The following ADAMTS12 variants were observed in gnomAD, a reference collection of about 807,000 sequenced individuals.
ADAMTS12 encodes the protein ADAM metallopeptidase with thrombospondin type 1 motif 12, also known as A disintegrin and metalloproteinase with thrombospondin motifs 12.
A neutral mutation model predicts 167.8 loss-of-function variants in ADAMTS12; 118 were observed. That is an observed-to-expected ratio of 0.70 (90% CI 0.61 to 0.82). ADAMTS12 has a LOEUF of 0.82. Among genes scored for constraint, ADAMTS12 ranks in the 40% least tolerant of loss-of-function variants. The pLI, the probability that ADAMTS12 is intolerant of heterozygous loss-of-function variation, is 0.00. For synonymous variants in ADAMTS12, 704 were observed against 716.9 expected, an observed-to-expected ratio of 0.98 and a Z score of 0.29; for missense variants, 1,916 against 1,998.8, an observed-to-expected ratio of 0.96 and a Z score of 0.79.
chr5:33,877,339 C>T (rs1432605670), intron 2 of ADAMTS12, among the ~76,000 whole-genome samples: 1 of 152,170 alleles, frequency 6.6e-6, no homozygotes, highest in East Asian at 1.9e-4. Context: ...AACCCCAATC[C>T]TGTCTTCTGC....
At position 33,630,938 on chromosome 5, in the gene ADAMTS12, C is replaced by T. The variant is rs777744426; in HGVS notation, c.1889-25G>A. On this transcript the variant is annotated intron_variant, in intron 12 of 23. Coordinates refer to ENST00000504830, the MANE Select transcript of ADAMTS12 (RefSeq NM_030955.4). ...GCTGAAGGGAAAAAAGAAGGCAAAG[C>T]CTTGCAAATTAGCTTTTAGCTCAGC... The T allele has an allele frequency of 3.7e-5, 60 of 1,605,964 alleles. 1 individual carries two copies. In the South Asian group the frequency reaches 6.5e-4, roughly 17 times the overall value.
intron 3 of ADAMTS12, among the ~76,000 whole-genome samples, chr5:33,726,991 A>G (rs1485019171): frequency 6.6e-6 from 1 of 152,070 alleles, no homozygotes; most frequent in Non-Finnish European, 1.5e-5. Flanking sequence ...CCAGCTCCAG[A>G]GGAAACTCCT....
chr5:33,832,535 T>C (rs1332225738), intron 2 of ADAMTS12, among the ~76,000 whole-genome samples: 2 of 152,138 alleles, frequency 1.3e-5, no homozygotes, highest in Non-Finnish European at 2.9e-5. Context: ...TTAAATCGAG[T>C]TCCATTCAAC....
At chr5:33,886,082 T>C (rs965661511) in intron 1 of ADAMTS12, among the ~76,000 whole-genome samples, 1 of 152,234 alleles carries the variant, frequency 6.6e-6, no homozygotes, top group African/African-American at 2.4e-5. Context: ...AAAATATCCC[T>C]TATAGAAACT....
chr5:33,754,901 C>A (rs1035854006), intron 2 of ADAMTS12, among the ~76,000 whole-genome samples: 2 of 152,122 alleles, frequency 1.3e-5, no homozygotes, highest in African/African-American at 4.8e-5. Flanking sequence ...TCTGTGAATG[C>A]TTCCCAAGTC....
chr5:33,556,492 C>T (rs1745493007), intron 20 of ADAMTS12, among the ~76,000 whole-genome samples: 2 of 152,194 alleles, frequency 1.3e-5, no homozygotes, highest in Non-Finnish European at 1.5e-5. Flanking sequence ...CATGGCTGTG[C>T]TTTGGTGAAG....
rs199711890 is a variant in ADAMTS12 at position 33,668,505 on chromosome 5, A to AT, written c.916-6466dup. 6.6e-3 allele frequency among the ~76,000 whole-genome samples: 992 copies of AT among 150,720 alleles called. 8 individuals are homozygous for AT. Among genetic ancestry groups the AT allele is most frequent in the African/African-American group, 0.023 (944 of 41,142 alleles). ...TTACAGTTAAATCTGCTTTGGAGGA[A>AT]TTTTTTTTTTCTTTATGAGGCAGGG... On this transcript the variant is annotated intron_variant, in intron 5 of 23. Coordinates refer to ENST00000504830, the MANE Select transcript of ADAMTS12 (RefSeq NM_030955.4).
intron 16 of ADAMTS12, among the ~76,000 whole-genome samples, chr5:33,606,898 C>T (rs977750867): frequency 3.9e-5 from 6 of 152,114 alleles, no homozygotes; most frequent in African/African-American, 1.4e-4. Context: ...GTATATAATA[C>T]ATGTATGAAT....
At chr5:33,639,577 G>C (rs3935844) in intron 11 of ADAMTS12, among the ~76,000 whole-genome samples, 1 of 151,918 alleles carries the variant, frequency 6.6e-6, no homozygotes, top group Non-Finnish European at 1.5e-5. Context: ...AGATGAAATC[G>C]TATTCCAGGG....
chr5:33,724,752 C>A (rs1261036913), intron 3 of ADAMTS12, among the ~76,000 whole-genome samples: 1 of 151,832 alleles, frequency 6.6e-6, no homozygotes, highest in African/African-American at 2.4e-5. Flanking sequence ...GGGGTTTCAC[C>A]GTGTTAGCCA....
intron 2 of ADAMTS12, among the ~76,000 whole-genome samples, chr5:33,865,436 C>G (rs1215949650): frequency 6.6e-6 from 1 of 152,030 alleles, no homozygotes; most frequent in Non-Finnish European, 1.5e-5. Flanking sequence ...GATAAAAACC[C>G]TCAACAAACG....
intron 3 of ADAMTS12, among the ~76,000 whole-genome samples, chr5:33,724,418 T>C (rs1201700444): frequency 6.6e-6 from 1 of 152,158 alleles, no homozygotes; most frequent in Admixed American, 6.5e-5. Flanking sequence ...GACATACTTT[T>C]CTGTCCATAT....
rs772119350 is a variant in ADAMTS12, at chr5:33,596,110, G to T, written c.2528-50C>A. 3.1e-6 allele frequency: 5 copies of T among 1,605,846 alleles called. No homozygotes were observed. In the Admixed American group the frequency reaches 6.7e-5, roughly 22 times the overall value. On this transcript the variant is annotated intron_variant, in intron 16 of 23. Transcript: ENST00000504830. ...CACATATTGAATCCTGAGCCCACAT[G>T]CTCATGGTCAGGTGAGGTACCTGAC...
chr5:33,797,276 A>C (rs1746813372), intron 2 of ADAMTS12, among the ~76,000 whole-genome samples: 1 of 152,124 alleles, frequency 6.6e-6, no homozygotes, highest in Non-Finnish European at 1.5e-5. Flanking sequence ...CCTGTTGAAG[A>C]GGGCTCCTGC....
At chr5:33,796,381 C>A (rs1023884782) in intron 2 of ADAMTS12, among the ~76,000 whole-genome samples, 1 of 152,234 alleles carries the variant, frequency 6.6e-6, no homozygotes, top group Non-Finnish European at 1.5e-5. Context: ...TTACAGAACA[C>A]AGTATGACAC....
chr5:33,796,473 T>C (rs936381038), intron 2 of ADAMTS12, among the ~76,000 whole-genome samples: 1 of 152,218 alleles, frequency 6.6e-6, no homozygotes, highest in Non-Finnish European at 1.5e-5. Context: ...TATAGGTATG[T>C]AGCATTTATA....
At chr5:33,778,328 G>T (rs1473580406) in intron 2 of ADAMTS12, among the ~76,000 whole-genome samples, 1 of 152,014 alleles carries the variant, frequency 6.6e-6, no homozygotes, top group Non-Finnish European at 1.5e-5. Context: ...AAGGACACAA[G>T]GACTAATGAA....
At chr5:33,679,863 C>G (rs1026794957) in intron 5 of ADAMTS12, among the ~76,000 whole-genome samples, 1 of 152,208 alleles carries the variant, frequency 6.6e-6, no homozygotes, top group African/African-American at 2.4e-5. Context: ...AATGATGTAA[C>G]TTCCTTAGAG....
At chr5:33,588,562 G>T in intron 18 of ADAMTS12, 37 bp downstream of exon 18, 1 of 1,605,626 alleles carries the variant, frequency 6.2e-7, no homozygotes, top group South Asian at 1.1e-5. Context: ...GATGAAGCTT[G>T]AATAATGCCA....
Sources: gnomAD v4.1 joint callset for allele counts (sites outside exome capture counted in the v4.1 genomes callset) on GRCh38, gnomAD v4.1.1 for gene constraint, MANE v1.5 for transcripts, NCBI Gene and HGNC (gene_info 2026-07-23, HGNC 2026-07-21) for gene names.